Variants in RAB3GAP2 observed in about 807,000 individuals in gnomAD.
RAB3GAP2 encodes RAB3 GTPase activating non-catalytic protein subunit 2, also known as rab3 GTPase-activating protein non-catalytic subunit.
A neutral mutation model predicts 185.3 loss-of-function variants in RAB3GAP2; 87 were observed. The observed-to-expected ratio is 0.47, with a 90% CI of 0.39 to 0.56. The LOEUF is 0.56. Among genes scored for constraint, RAB3GAP2 ranks in the 20% least tolerant of loss-of-function variants. The pLI is 0.00. For missense variants in RAB3GAP2, 1,492 were observed against 1,638.2 expected (o/e 0.91, Z 1.54); for synonymous variants, 554 against 576.1 (o/e 0.96, Z 0.55).
chr1:220,182,921 A>G lies in RAB3GAP2; in HGVS notation c.2009T>C (p.Leu670Pro). 1.2e-6 allele frequency: 2 copies of G among 1,611,436 alleles called. No individual in the cohort carries two copies. The highest frequency in any genetic ancestry group is 2.2e-5 in the South Asian group (2 of 91,040). Residue 670 changes from leucine to proline, a missense_variant, in exon 20 of 35, where the codon CTG becomes CCG. Physicochemically the swap from Leu to Pro is moderately conservative, Grantham distance 98. This residue lies in a region of RAB3GAP2 where 681 missense variants were observed against 689.1 expected (regional missense o/e 0.99). Coordinates refer to ENST00000358951, the MANE Select transcript of RAB3GAP2 (RefSeq NM_012414.4). ...DTPFSDNDLA[L>P]LLRLDEKELL... ...TTCTTTTTCATCAAGCCTTAGTAAC[A>G]GAGCCAAGTCCTTTAAAACAGAAAA...
At chr1:220,249,696 TA>T (rs1183888761) in intron 1 of RAB3GAP2, among the ~76,000 whole-genome samples, 4 of 151,922 alleles carry the variant, frequency 2.6e-5, no homozygotes, top group Non-Finnish European at 5.9e-5. Flanking sequence ...TAGGAGGAAA[TA>T]ATGGTTTTGT....
At chr1:220,173,248 T>G (rs1313482920) in intron 21 of RAB3GAP2, among the ~76,000 whole-genome samples, 4 of 152,194 alleles carry the variant, frequency 2.6e-5, no homozygotes, top group Non-Finnish European at 5.9e-5. Flanking sequence ...AAAAACAGAC[T>G]TTAAACCAAA....
At chr1:220,216,470 T>C (rs1014294237) in intron 2 of RAB3GAP2, among the ~76,000 whole-genome samples, 1 of 152,202 alleles carries the variant, frequency 6.6e-6, no homozygotes, top group Non-Finnish European at 1.5e-5. Context: ...TCATGATGGC[T>C]TGCTGTAAGC....
chr1:220,181,865 A>G (rs1416509852), intron 21 of RAB3GAP2, among the ~76,000 whole-genome samples: 2 of 151,880 alleles, frequency 1.3e-5, no homozygotes, highest in African/African-American at 2.4e-5. Flanking sequence ...GCTGGGCAAC[A>G]TAGCGAGACC....
At chr1:220,162,898 A>G (rs1255131151) in intron 27 of RAB3GAP2, among the ~76,000 whole-genome samples, 2 of 152,216 alleles carry the variant, frequency 1.3e-5, no homozygotes, top group South Asian at 2.1e-4. Flanking sequence ...GTAGTTATAT[A>G]AAAAAGTATT....
Position 220,190,532 on chromosome 1 carries a change from A to G in RAB3GAP2, c.1488-12T>C. ...CAGGATACAGCAGCCTAAAGAAATC[A>G]CATACCAATATGGTAAAAATATTAG... On this transcript the variant is annotated splice_polypyrimidine_tract_variant and intron_variant, in intron 14 of 34. Transcript: ENST00000358951. 6.3e-7 allele frequency: 1 copy of G among 1,580,006 alleles called. No homozygotes were observed. Among genetic ancestry groups the G allele is most frequent in the East Asian group, 2.2e-5 (1 of 44,714 alleles).
At position 220,190,090 on chromosome 1, in the gene RAB3GAP2, A is replaced by G. The variant is rs780935064; in HGVS notation, c.1688T>C (p.Leu563Ser). Reference sequence around the variant, plus strand: ...AAGATTGGGAGATTTTGTTTTCAGTAAGGCTGCTAGTTTCTTCACTAGGTG... The same window carrying G: ...AAGATTGGGAGATTTTGTTTTCAGTGAGGCTGCTAGTTTCTTCACTAGGTG... ...DMHLVKKLAA[L>S]LKTKSPNLDL... The change falls in exon 16 of 35, where the codon TTA (leucine) becomes TCA (serine). Residue 563 changes from leucine to serine, a missense_variant. Coordinates refer to ENST00000358951, the MANE Select transcript of RAB3GAP2 (RefSeq NM_012414.4). 6.2e-7 allele frequency: 1 copy of G among 1,613,366 alleles called. No homozygotes were observed. Among genetic ancestry groups the G allele is most frequent in the Non-Finnish European group, 8.5e-7 (1 of 1,179,406 alleles).
At chr1:220,235,301 A>AT (rs1448038642) in intron 1 of RAB3GAP2, among the ~76,000 whole-genome samples, 2 of 152,110 alleles carry the variant, frequency 1.3e-5, no homozygotes, top group Non-Finnish European at 2.9e-5. Context: ...TATTTTGCTA[A>AT]TTTTTCCATT....
chr1:220,264,097 C>T (rs1447559990), intron 1 of RAB3GAP2, among the ~76,000 whole-genome samples: 1 of 151,848 alleles, frequency 6.6e-6, no homozygotes, highest in East Asian at 2.0e-4. Context: ...TCCTTGAATA[C>T]TTATTTCTAT....
At position 220,150,106 on chromosome 1, in the gene RAB3GAP2, CTTTTTTTTT is replaced by C. The variant is rs11316594; in HGVS notation, c.*1136_*1144del. 7.5e-6 allele frequency: 1 copy of C among 132,968 alleles called. No homozygotes were observed. Among genetic ancestry groups the C allele is most frequent in the African/African-American group, 2.8e-5 (1 of 35,936 alleles). 8.2% of individuals were successfully genotyped at this position (132,968 alleles called of 1,614,324 possible). On this transcript the variant is annotated 3_prime_UTR_variant, in exon 35 of 35. Transcript: ENST00000358951. ...AGAGTTTTGGTTAGTTTGGTTTTTT[CTTTTTTTTT>C]TTTTTTTCGAGACAGGGTCTTGCTA...
intron 2 of RAB3GAP2, 36 bp downstream of exon 2, chr1:220,232,763 C>T: frequency 6.5e-7 from 1 of 1,543,262 alleles, no homozygotes. Flanking sequence ...GAAAATGCCA[C>T]TATCAAAAAA....
At chr1:220,268,989 G>A (rs562482603) in intron 1 of RAB3GAP2, among the ~76,000 whole-genome samples, 102 of 152,242 alleles carry the variant, frequency 6.7e-4, no homozygotes, top group African/African-American at 2.4e-3. Context: ...ACATTTCACA[G>A]GCTCAATAAC....
intron 1 of RAB3GAP2, chr1:220,254,288 C>T: frequency 6.2e-7 from 1 of 1,613,460 alleles, no homozygotes. Flanking sequence ...TTTGAGAGAC[C>T]ACAGTATGCC....
intron 26 of RAB3GAP2, 41 bp downstream of exon 26, chr1:220,167,252 C>A (rs1658085941): frequency 5.2e-6 from 8 of 1,546,004 alleles, no homozygotes; most frequent in Non-Finnish European, 7.1e-6. Flanking sequence ...AGCATGAACA[C>A]AGAAGCAGAA....
At chr1:220,173,548 G>A (rs1343818672) in intron 21 of RAB3GAP2, among the ~76,000 whole-genome samples, 1 of 152,198 alleles carries the variant, frequency 6.6e-6, no homozygotes, top group Non-Finnish European at 1.5e-5. Flanking sequence ...AAGAGTTGAA[G>A]GAGAAGAAGC....
At position 220,190,506 on chromosome 1, in the gene RAB3GAP2, C is replaced by A. The variant is rs1451373704; in HGVS notation, c.1502G>T (p.Gly501Val). The A allele has an allele frequency of 6.2e-7, 1 of 1,601,242 alleles. No homozygotes were observed. Among genetic ancestry groups the A allele is most frequent in the Non-Finnish European group, 8.6e-7 (1 of 1,168,522 alleles). ...ATTATTTAAACCCATTATTTTATAG[C>A]CAGGATACAGCAGCCTAAAGAAATC... ...VGKHCRLLYP[G>V]YKIMGLNNVT... is the part of the protein sequence containing the mutation. The change falls in exon 15 of 35, where the codon GGC becomes GTC. Residue 501 changes from glycine (G) to valine (V), a missense_variant. Gly to Val is a moderately radical substitution (Grantham distance 109). Around this residue, in one of 5 missense-constraint regions of RAB3GAP2, gnomAD observed 681 missense variants for 689.1 expected, o/e 0.99. Coordinates refer to ENST00000358951, the MANE Select transcript of RAB3GAP2 (RefSeq NM_012414.4).
intron 31 of RAB3GAP2, among the ~76,000 whole-genome samples, chr1:220,154,888 A>T (rs1159809229): frequency 6.6e-6 from 1 of 151,676 alleles, no homozygotes; most frequent in Non-Finnish European, 1.5e-5. Flanking sequence ...GCCAAGGCTA[A>T]TTTTTTTGTA....
In RAB3GAP2 at chr1:220,151,688, G is replaced by C; in HGVS notation, c.3944C>G (p.Ala1315Gly). ...TTCTTTTGTCTGGGTGTGGAGAAGC[G>C]CATGAGCCAGCCTTTGCCCCGTGAG... The part of the protein sequence containing the change: ...LVLTGQRLAH[A>G]LLHTQTKEGM... The change falls in exon 34 of 35, where the codon GCG (alanine) becomes GGG (glycine). Residue 1315 changes from alanine (A) to glycine (G), a missense_variant. By Grantham distance (60) the Ala-to-Gly change is moderately conservative. This residue lies in a region of RAB3GAP2 where 387 missense variants were observed against 455.3 expected (regional missense o/e 0.85). Transcript: ENST00000358951. 6.2e-7 allele frequency: 1 copy of C among 1,610,806 alleles called. No homozygotes were observed. The highest frequency in any genetic ancestry group is 1.1e-5 in the South Asian group (1 of 91,006).
At chr1:220,243,421 C>T in intron 1 of RAB3GAP2, among the ~76,000 whole-genome samples, 1 of 151,696 alleles carries the variant, frequency 6.6e-6, no homozygotes, top group Non-Finnish European at 1.5e-5. Flanking sequence ...GCTCTAAGCA[C>T]AACAGCTTTC....
Sources: allele counts gnomAD v4.1 joint callset (sites outside exome capture counted in the v4.1 genomes callset), GRCh38; gene constraint gnomAD v4.1.1; regional missense constraint gnomAD v4.1.1; transcripts MANE v1.5; gene names NCBI Gene and HGNC (gene_info 2026-07-23, HGNC 2026-07-21).